OPLAH: variants seen among roughly 807,000 people sequenced by gnomAD.
OPLAH encodes the protein 5-oxoprolinase.
A neutral mutation model predicts 122.8 loss-of-function variants in OPLAH; 103 were observed. The ratio of observed to expected loss-of-function variants is 0.84; its 90% confidence interval spans 0.71 to 0.99. OPLAH has a LOEUF of 0.99. OPLAH is among the 50% of genes least tolerant of loss of function. The probability of loss-of-function intolerance (pLI) is 0.00; values close to 1 mark genes in which losing one functional copy is unlikely to be tolerated. For missense variants in OPLAH, 1,902 were observed against 1,836.5 expected (o/e 1.04, Z -0.65); for synonymous variants, 875 against 796.0 (o/e 1.10, Z -1.67).
chr8:144,057,671 C>A lies in OPLAH; in HGVS notation c.1199G>T (p.Arg400Leu). 6.2e-7 allele frequency: 1 copy of A among 1,607,250 alleles called. No homozygotes were observed. The highest frequency in any genetic ancestry group is 1.7e-5 in the Admixed American group (1 of 59,150). ...TVTDANLVLG[R>L]LLPASFPCIF... is the part of the protein sequence containing the mutation. The stretch of plus-strand genomic sequence containing the variant: ...GCAGGGGAAGGAGGCAGGCAGCAGG[C>A]GACCCAGGACCAGATTAGCATCCGT... Residue 400 changes from arginine to leucine, a missense_variant, in exon 10 of 27, where the codon CGC becomes CTC. Physicochemically the swap from Arg to Leu is moderately radical, Grantham distance 102. Transcript: ENST00000618853.
rs1554759742 is a variant in OPLAH at position 144,057,902 on chromosome 8, C to A, written c.1110G>T (p.Gly370=). The A allele has an allele frequency of 1.9e-6, 3 of 1,612,028 alleles. No individual in the cohort carries two copies. The highest frequency in any genetic ancestry group is 2.7e-5 in the African/African-American group (2 of 74,970). The change falls in exon 9 of 27, where the codon GGG becomes GGT. Residue 370 remains glycine (G), a synonymous_variant. Coordinates refer to ENST00000618853, the MANE Select transcript of OPLAH (RefSeq NM_017570.5). ...LFFRSGLFVV[G]PESAGAHPGP... Reference sequence around the variant, plus strand: ...CTGGGTGGGCTCCTGCTGACTCGGGCCCAACCACAAAGAGGCCAGACCTAG... The same window carrying A: ...CTGGGTGGGCTCCTGCTGACTCGGGACCAACCACAAAGAGGCCAGACCTAG...
rs1554760135 is a variant in OPLAH at position 144,058,764 on chromosome 8, C to G, written c.587+9G>C. 6.3e-7 allele frequency: 1 copy of G among 1,590,716 alleles called. No homozygotes were observed. Among genetic ancestry groups the G allele is most frequent in the South Asian group, 1.1e-5 (1 of 89,130 alleles). ...CTGCTCCCGCAGCCCACAGCCCCACCTCACTCACGTGTACGAGTGCATGAG... is the reference window on the plus strand; with the variant it reads ...CTGCTCCCGCAGCCCACAGCCCCACGTCACTCACGTGTACGAGTGCATGAG... On this transcript the variant is annotated intron_variant, in intron 5 of 26. Coordinates refer to ENST00000618853, the MANE Select transcript of OPLAH (RefSeq NM_017570.5).
rs185836803 is a variant in OPLAH at position 144,052,487 on chromosome 8, C to A, written c.3265G>T (p.Val1089Phe). The change falls in exon 23 of 27, where the codon GTC (valine) becomes TTC (phenylalanine). Residue 1089 changes from valine (V) to phenylalanine (F), a missense_variant. This residue lies in a region of OPLAH where 1,726 missense variants were observed against 1,642.1 expected (regional missense o/e 1.05). Coordinates refer to ENST00000618853, the MANE Select transcript of OPLAH (RefSeq NM_017570.5). ...CAGGCCCCAAAGGCCCCCAGGATGA[C>A]ATCCACCACGCGCTGCGACGTGAGC... ...NVLTSQRVVD[V>F]ILGAFGACAA... 1 of 1,562,124 alleles carries A rather than the reference C, an allele frequency of 6.4e-7. No homozygotes were observed. The highest frequency in any genetic ancestry group is 2.4e-5 in the East Asian group (1 of 42,548).
intron 22 of OPLAH, 62 bp from the exon 23 acceptor site, chr8:144,052,660 AC>A (rs1835412917): frequency 3.3e-6 from 5 of 1,518,252 alleles, no homozygotes; most frequent in Non-Finnish European, 2.7e-6. Flanking sequence ...ACAGCACCCC[AC>A]CCCCCGCCCC....
upstream of OPLAH, among the ~76,000 whole-genome samples, chr8:144,061,021 G>A (rs900096131): frequency 6.6e-6 from 1 of 152,240 alleles, no homozygotes; most frequent in Non-Finnish European, 1.5e-5. Flanking sequence ...CCCCGTGGAG[G>A]GGGCGTTGAA....
intron 3 of OPLAH, 77 bp from the exon 4 acceptor site, chr8:144,059,156 G>A: frequency 3.3e-6 from 4 of 1,198,546 alleles, no homozygotes; most frequent in Non-Finnish European, 3.5e-6. Context: ...GGGTGGTACA[G>A]GTGAGTGGCT....
At position 144,058,616 on chromosome 8, in the gene OPLAH, C is replaced by G. The variant is rs782078252; in HGVS notation, c.663G>C (p.Glu221Asp). 3.7e-6 allele frequency: 6 copies of G among 1,603,180 alleles called. No homozygotes were observed. Among genetic ancestry groups the G allele is most frequent in the Admixed American group, 3.3e-5 (2 of 59,880 alleles). Residue 221 changes from glutamate (E) to aspartate (D), a missense_variant, in exon 6 of 27, where the codon GAG becomes GAC. Around this residue, in one of 3 missense-constraint regions of OPLAH, gnomAD observed 1,726 missense variants for 1,642.1 expected, o/e 1.05. Transcript: ENST00000618853. ...LGFTHVSLSS[E>D]AMPMVRIVPR... ...GGACGATGCGCACCATGGGCATGGC[C>G]TCCGAGGACAGTGACACGTGCGTGA...
In OPLAH at chr8:144,058,315, G is replaced by A. The variant is rs1363255618; in HGVS notation, c.873C>T (p.Ala291=). Residue 291 remains alanine (A), a synonymous_variant, in exon 7 of 27, where the codon GCC becomes GCT. Coordinates refer to ENST00000618853, the MANE Select transcript of OPLAH (RefSeq NM_017570.5). ...TGGCTGAGTAGCCCACCACGCCGCCGGCCGGGCCCGAGAGCACAGCACTGG... is the reference window on the plus strand; with the variant it reads ...TGGCTGAGTAGCCCACCACGCCGCCAGCCGGGCCCGAGAGCACAGCACTGG... ...SGSSAVLSGP[A]GGVVGYSATT... 31 of 1,603,812 alleles carry A rather than the reference G, an allele frequency of 1.9e-5. No homozygotes were observed. The highest frequency in any genetic ancestry group is 2.7e-5 in the African/African-American group (2 of 74,862).
In OPLAH at chr8:144,057,593, G is replaced by A. The variant is rs374807194; in HGVS notation, c.1277C>T (p.Ala426Val). ...GACCTCAGTGGCCACAGCCTCCAGG[G>A]CTTTGCGGGAGGCCTCAGGGGAAAG... Reference protein sequence around the residue: ...QPLSPEASRKALEAVATEVNS... With the variant: ...QPLSPEASRKVLEAVATEVNS... Residue 426 changes from alanine to valine, a missense_variant, in exon 10 of 27, where the codon GCC (alanine) becomes GTC (valine). Ala to Val is a moderately conservative substitution (Grantham distance 64, BLOSUM62 0). Around this residue, in one of 3 missense-constraint regions of OPLAH, gnomAD observed 1,726 missense variants for 1,642.1 expected, o/e 1.05. Transcript: ENST00000618853. The A allele has an allele frequency of 8.8e-6, 14 of 1,586,344 alleles. No individual in the cohort carries two copies. The highest frequency in any genetic ancestry group is 1.2e-5 in the Non-Finnish European group (14 of 1,165,862).
intron 23 of OPLAH, 40 bp downstream of exon 23, chr8:144,052,409 C>A (rs1554757900): frequency 2.0e-6 from 3 of 1,527,732 alleles, no homozygotes; most frequent in Admixed American, 2.0e-5. Flanking sequence ...AGCCTGCCCA[C>A]CCAGTCCGCC....
chr8:144,055,804 G>C lies in OPLAH; in HGVS notation c.2232C>G (p.Arg744=), dbSNP rs1554758830. ...DPIQLSIFSH[R]FMSIAEQMGR... is the part of the protein sequence containing the mutation. Reference sequence around the variant, plus strand: ...GCCACTCACCAGCAATGCTCATGAAGCGGTGTGAGAAGATGGACAGCTGGA... The same window carrying C: ...GCCACTCACCAGCAATGCTCATGAACCGGTGTGAGAAGATGGACAGCTGGA... The change falls in exon 16 of 27, where the codon CGC becomes CGG. Residue 744 remains arginine (R), a synonymous_variant. Transcript: ENST00000618853. The surrounding 1 kb of genome is among the most constrained non-coding windows in gnomAD (Gnocchi z 6.5). 1 of 1,549,394 alleles carries C rather than the reference G, an allele frequency of 6.5e-7. No homozygotes were observed. Among genetic ancestry groups the C allele is most frequent in the Non-Finnish European group, 8.7e-7 (1 of 1,147,270 alleles).
chr8:144,059,781 T>C lies in OPLAH; in HGVS notation c.181A>G (p.Met61Val). ...AGCGGCTGGTCCCGGGGCAGGAGCA[T>C]GCCGGCCTCCTGGGGACCACGTGGT... ...IRRILEQEAGMLLPRDQPLDS... is the reference protein window; with the variant it reads ...IRRILEQEAGVLLPRDQPLDS... Residue 61 changes from methionine to valine, a missense_variant, in exon 3 of 27, where the codon ATG becomes GTG. By Grantham distance (21) the Met-to-Val change is conservative. Coordinates refer to ENST00000618853, the MANE Select transcript of OPLAH (RefSeq NM_017570.5). 2 of 1,608,414 alleles carry C rather than the reference T, an allele frequency of 1.2e-6. No individual in the cohort carries two copies. Among genetic ancestry groups the C allele is most frequent in the Non-Finnish European group, 1.7e-6 (2 of 1,178,698 alleles).
At position 144,059,768 on chromosome 8, in the gene OPLAH, C is replaced by CG. The variant is rs1564294793; in HGVS notation, c.193dup (p.Arg65ProfsTer56). 1 of 1,608,712 alleles carries CG rather than the reference C, an allele frequency of 6.2e-7. No homozygotes were observed. On this transcript the variant is annotated frameshift_variant, in exon 3 of 27. Coordinates refer to ENST00000618853, the MANE Select transcript of OPLAH (RefSeq NM_017570.5). LOFTEE classifies it high-confidence loss of function. ...ATGACTGGAGTCCAGCGGCTGGTCCCGGGGCAGGAGCATGCCGGCCTCCTG... is the reference window on the plus strand; with the variant it reads ...ATGACTGGAGTCCAGCGGCTGGTCCCGGGGGCAGGAGCATGCCGGCCTCCTG...
Position 144,058,678 on chromosome 8 carries a change from C to CA in OPLAH, c.600dup (p.Glu201Ter). ...CGGGCCAGCACACCCACCTGCTGCTCATGCTGGGCCCACCTATGACAAAAA... is the reference window on the plus strand; with the variant it reads ...CGGGCCAGCACACCCACCTGCTGCTCAATGCTGGGCCCACCTATGACAAAAA... On this transcript the variant is annotated frameshift_variant, in exon 6 of 27. Transcript: ENST00000618853. LOFTEE classifies it high-confidence loss of function. 1 of 1,589,934 alleles carries CA rather than the reference C, an allele frequency of 6.3e-7. No homozygotes were observed. Among genetic ancestry groups the CA allele is most frequent in the Non-Finnish European group, 8.5e-7 (1 of 1,169,884 alleles).
chr8:144,063,016 A>C, upstream of OPLAH, among the ~76,000 whole-genome samples: 1 of 149,176 alleles, frequency 6.7e-6, no homozygotes, highest in East Asian at 2.0e-4. The surrounding 1 kb of genome is among the most constrained non-coding windows in gnomAD (Gnocchi z 4.2). Context: ...CCTGCCTCCT[A>C]CCCCACTGGG....
intron 12 of OPLAH, 54 bp downstream of exon 12, chr8:144,056,894 A>T (rs1415861545): frequency 6.6e-7 from 1 of 1,524,508 alleles, no homozygotes; most frequent in African/African-American, 1.4e-5. Context: ...ACACCCACCA[A>T]GGGCGTGGTG....
In OPLAH at chr8:144,052,863, T is replaced by C; in HGVS notation, c.3056A>G (p.Glu1019Gly). 1 of 1,553,958 alleles carries C rather than the reference T, an allele frequency of 6.4e-7. No homozygotes were observed. Among genetic ancestry groups the C allele is most frequent in the South Asian group, 1.2e-5 (1 of 84,354 alleles). Residue 1019 changes from glutamate to glycine, a missense_variant, in exon 22 of 27, where the codon GAG becomes GGG. Physicochemically the swap from Glu to Gly is moderately conservative, Grantham distance 98. This residue lies in a region of OPLAH where 1,726 missense variants were observed against 1,642.1 expected (regional missense o/e 1.05). Coordinates refer to ENST00000618853, the MANE Select transcript of OPLAH (RefSeq NM_017570.5). ...CGGTGCGTTGAGATTACCAAACACC[T>C]CCGGCCCAGTGCCGCTGAAGTCAAA... ...AVFDFSGTGP[E>G]VFGNLNAPRA...
At position 144,054,645 on chromosome 8, in the gene OPLAH, G is replaced by A. The variant is rs782004879; in HGVS notation, c.2602C>T (p.Pro868Ser). Residue 868 changes from proline to serine, a missense_variant, in exon 19 of 27, where the codon CCC becomes TCC. Physicochemically the swap from Pro to Ser is moderately conservative, Grantham distance 74 (BLOSUM62 -1). This residue lies in a region of OPLAH where 1,726 missense variants were observed against 1,642.1 expected (regional missense o/e 1.05). Coordinates refer to ENST00000618853, the MANE Select transcript of OPLAH (RefSeq NM_017570.5). ...TGTTGCAGCATGGTGGAGTGGGGGG[G>A]CATGGAGCCTGGTGTGATGCCCCCG... ...DIGGITPGSM[P>S]PHSTMLQQEG... is the part of the protein sequence containing the mutation. 3.7e-6 allele frequency: 6 copies of A among 1,612,002 alleles called. No individual in the cohort carries two copies. The South Asian group carries it at 5.5e-5, about 15-fold the overall frequency.
chr8:144,057,765 A>G, intron 9 of OPLAH, 52 bp from the exon 10 acceptor site: 1 of 1,609,776 alleles, frequency 6.2e-7, no homozygotes, highest in Non-Finnish European at 8.5e-7. Flanking sequence ...GGGGAGCAGG[A>G]GTAGGCAGCA....
Sources: allele counts gnomAD v4.1 joint callset (sites outside exome capture counted in the v4.1 genomes callset), GRCh38; gene constraint gnomAD v4.1.1; regional missense constraint gnomAD v4.1.1; non-coding constraint Gnocchi (gnomAD v3.1); transcripts MANE v1.5; gene names NCBI Gene and HGNC (gene_info 2026-07-23, HGNC 2026-07-21).